Variants in GMDS observed in about 807,000 individuals in gnomAD.
GMDS encodes the protein GDP-mannose 4,6 dehydratase.
Under a neutral mutation model 49.9 loss-of-function variants are expected in GMDS, and 20 were observed. The ratio of observed to expected loss-of-function variants is 0.40; its 90% CI spans 0.28 to 0.58. The LOEUF is 0.58. Ranked by LOEUF, GMDS falls within the 20% of genes least tolerant of loss-of-function variation. The probability of loss-of-function intolerance (pLI) is 0.42; values close to 1 mark genes in which losing one functional copy is unlikely to be tolerated. For synonymous variants in GMDS, 177 were observed against 178.6 expected (o/e 0.99, Z 0.07); for missense variants, 362 against 481.4 (o/e 0.75, Z 2.32).
At position 1,812,253 on chromosome 6, in the gene GMDS, A is replaced by C. The variant is rs113536565; in HGVS notation, c.772-69667T>G. On this transcript the variant is annotated intron_variant, in intron 7 of 10. Transcript: ENST00000380815. ...CCAGGCAGAGTAAACAGGACCAGCA[A>C]AGTACACAGGACTCCGAGCACAGAG... Among the ~76,000 whole-genome samples the C allele has an allele frequency of 2.8e-3, 421 of 152,276 alleles. 6 individuals are homozygous for C. The highest frequency in any genetic ancestry group is 9.2e-3 in the African/African-American group (381 of 41,566).
chr6:2,124,025 C>T (rs747348977), intron 2 of GMDS, among the ~76,000 whole-genome samples: 2 of 147,390 alleles, frequency 1.4e-5, no homozygotes, highest in Admixed American at 1.3e-4. Flanking sequence ...TCAGAGCATA[C>T]GGGCCACTGT....
chr6:2,223,166 C>CAT (rs753958443), intron 1 of GMDS, among the ~76,000 whole-genome samples: 45 of 151,754 alleles, frequency 3.0e-4, no homozygotes, highest in East Asian at 5.8e-4. Context: ...TATATACACA[C>CAT]ATATATATAT....
intron 7 of GMDS, among the ~76,000 whole-genome samples, chr6:1,864,146 T>G (rs900995647): frequency 3.3e-5 from 5 of 152,190 alleles, no homozygotes; most frequent in African/African-American, 1.2e-4. Flanking sequence ...TCAAGAATTA[T>G]TTCTCTAAAC....
chr6:1,871,259 C>T (rs1049660033), intron 7 of GMDS, among the ~76,000 whole-genome samples: 1 of 152,060 alleles, frequency 6.6e-6, no homozygotes, highest in Admixed American at 6.6e-5. Context: ...ATTTTTATTG[C>T]CTGTTGTCTC....
chr6:2,218,179 T>C (rs1015489159), intron 1 of GMDS, among the ~76,000 whole-genome samples: 4 of 152,024 alleles, frequency 2.6e-5, no homozygotes, highest in African/African-American at 9.7e-5. Context: ...TTGTAACATA[T>C]GCAGAGTTGG....
chr6:2,021,088 A>C (rs1287551402), intron 4 of GMDS, among the ~76,000 whole-genome samples: 5 of 152,144 alleles, frequency 3.3e-5, no homozygotes, highest in Admixed American at 3.3e-4. Flanking sequence ...CAGAGCAGGA[A>C]CTCCACATCC....
At chr6:2,181,576 T>C (rs111851885) in intron 1 of GMDS, among the ~76,000 whole-genome samples, 1,942 of 152,344 alleles carry the variant, frequency 0.013, 12 homozygotes, top group Middle Eastern at 0.058. Context: ...GTCACTATTT[T>C]ACACTTTGAT....
At chr6:1,809,161 C>G (rs1376372752) in intron 7 of GMDS, among the ~76,000 whole-genome samples, 1 of 152,084 alleles carries the variant, frequency 6.6e-6, no homozygotes, top group East Asian at 1.9e-4. Flanking sequence ...TTTATTTTCT[C>G]CAGGCTCCTC....
chr6:1,741,201 T>C (rs1767256606), intron 8 of GMDS, among the ~76,000 whole-genome samples: 1 of 152,230 alleles, frequency 6.6e-6, no homozygotes, highest in Non-Finnish European at 1.5e-5. Flanking sequence ...TTAAAAATTC[T>C]CTCTTCCAGC....
intron 4 of GMDS, among the ~76,000 whole-genome samples, chr6:2,030,404 G>A (rs1010514982): frequency 3.3e-5 from 5 of 152,294 alleles, no homozygotes; most frequent in Non-Finnish European, 7.3e-5. Context: ...CAGCATCTGC[G>A]AATTTGTAGG....
chr6:1,639,264 C>T (rs1412548626), intron 9 of GMDS, among the ~76,000 whole-genome samples: 1 of 152,210 alleles, frequency 6.6e-6, no homozygotes, highest in East Asian at 1.9e-4. Flanking sequence ...AGCATTTTCC[C>T]ACTGGGGGAA....
intron 9 of GMDS, among the ~76,000 whole-genome samples, chr6:1,718,356 C>T (rs575453150): frequency 1.6e-4 from 25 of 152,302 alleles, no homozygotes; most frequent in South Asian, 8.3e-4. Flanking sequence ...TAAGTCTTCT[C>T]GCTGGATCTC....
intron 7 of GMDS, among the ~76,000 whole-genome samples, chr6:1,888,285 A>G (rs915562989): frequency 2.6e-5 from 4 of 152,084 alleles, no homozygotes; most frequent in Admixed American, 2.6e-4. Flanking sequence ...AAGAGGTTTA[A>G]TCAACTCACA....
At chr6:2,040,181 C>G (rs996535156) in intron 4 of GMDS, among the ~76,000 whole-genome samples, 2 of 152,208 alleles carry the variant, frequency 1.3e-5, no homozygotes, top group Non-Finnish European at 2.9e-5. Context: ...CCAGACCACC[C>G]TTGTACCTCT....
chr6:2,007,500 A>T (rs1767267700), intron 4 of GMDS, among the ~76,000 whole-genome samples: 1 of 152,128 alleles, frequency 6.6e-6, no homozygotes, highest in Non-Finnish European at 1.5e-5. Flanking sequence ...TATAACGAAA[A>T]ATTCTGTAAG....
chr6:1,654,388 C>T (rs1286906795), intron 9 of GMDS, among the ~76,000 whole-genome samples: 1 of 152,206 alleles, frequency 6.6e-6, no homozygotes, highest in Non-Finnish European at 1.5e-5. Flanking sequence ...AATGAATCGA[C>T]AGACTGTGGT....
chr6:1,756,644 G>C lies in GMDS; in HGVS notation c.772-14058C>G, dbSNP rs544385983. Among the ~76,000 whole-genome samples, 153 of 152,210 alleles carry C rather than the reference G, an allele frequency of 1.0e-3. 1 individual carries two copies. Among genetic ancestry groups the C allele is most frequent in the Non-Finnish European group, 1.7e-3 (115 of 68,028 alleles). On this transcript the variant is annotated intron_variant, in intron 7 of 10. Transcript: ENST00000380815. ...AGGGCTCAGAGGACAGTTCCTCTCT[G>C]CTCCCGGTGGTGATGGCCAAGGCGG... is the stretch of plus-strand genomic sequence containing the variant.
chr6:1,787,643 G>T (rs1769375553), intron 7 of GMDS, among the ~76,000 whole-genome samples: 1 of 152,160 alleles, frequency 6.6e-6, no homozygotes, highest in Admixed American at 6.5e-5. Context: ...ACAAGTCCTG[G>T]ATACTTGAAA....
chr6:2,179,050 A>G (rs1477061359), intron 1 of GMDS, among the ~76,000 whole-genome samples: 1 of 152,224 alleles, frequency 6.6e-6, no homozygotes, highest in African/African-American at 2.4e-5. Flanking sequence ...GCCTGTCCTC[A>G]AGAATACTAT....
Sources: gnomAD v4.1 joint callset for allele counts (sites outside exome capture counted in the v4.1 genomes callset) on GRCh38, gnomAD v4.1.1 for gene constraint, MANE v1.5 for transcripts, NCBI Gene and HGNC (gene_info 2026-07-23, HGNC 2026-07-21) for gene names.